NKAIN2: variants seen among roughly 807,000 people sequenced by gnomAD.
NKAIN2 encodes the protein sodium/potassium transporting ATPase interacting 2.
NKAIN2 carries 14 observed loss-of-function variants against 32.6 expected under a neutral mutation model. The ratio of observed to expected loss-of-function variants is 0.43; its 90% CI spans 0.28 to 0.67. The LOEUF is 0.67. NKAIN2 is among the 30% of genes least tolerant of loss of function. NKAIN2 has a pLI of 0.17. For missense variants in NKAIN2, 198 were observed against 258.3 expected (o/e 0.77, Z 1.60); for synonymous variants, 80 against 87.2 (o/e 0.92, Z 0.46).
At chr6:124,802,260 A>G (rs548125294) in intron 5 of NKAIN2, among the ~76,000 whole-genome samples, 15 of 152,322 alleles carry the variant, frequency 9.8e-5, no homozygotes, top group African/African-American at 3.4e-4. Context: ...CCTGCATTTA[A>G]ATGGGCTGTT....
chr6:124,360,660 C>T (rs1799248298), intron 3 of NKAIN2, among the ~76,000 whole-genome samples: 1 of 151,680 alleles, frequency 6.6e-6, no homozygotes, highest in African/African-American at 2.4e-5. Context: ...GTTAAATTAA[C>T]AAAATGATGG....
intron 3 of NKAIN2, among the ~76,000 whole-genome samples, chr6:124,535,073 T>C (rs2114830780): frequency 6.6e-6 from 1 of 152,356 alleles, no homozygotes; most frequent in East Asian, 1.9e-4. Context: ...TATGGAATAA[T>C]GGCAAGAAAA....
At chr6:124,125,608 G>T (rs1786124162) in intron 1 of NKAIN2, among the ~76,000 whole-genome samples, 1 of 152,110 alleles carries the variant, frequency 6.6e-6, no homozygotes, top group Admixed American at 6.5e-5. Flanking sequence ...TTAATTAAAT[G>T]TTGTAATAAA....
chr6:124,563,103 A>G (rs1479121897), intron 3 of NKAIN2, among the ~76,000 whole-genome samples: 1 of 151,846 alleles, frequency 6.6e-6, no homozygotes, highest in Non-Finnish European at 1.5e-5. Flanking sequence ...ACGGGGTTTC[A>G]CTGTGTTGGC....
intron 1 of NKAIN2, among the ~76,000 whole-genome samples, chr6:124,045,061 C>T (rs1035863619): frequency 6.6e-6 from 1 of 151,882 alleles, no homozygotes; most frequent in African/African-American, 2.4e-5. Context: ...TTTGTGAGCT[C>T]ATTTGAAACC....
At chr6:124,113,245 GCT>G (rs1418867100) in intron 1 of NKAIN2, among the ~76,000 whole-genome samples, 1 of 152,070 alleles carries the variant, frequency 6.6e-6, no homozygotes, top group East Asian at 1.9e-4. Context: ...GCTTTTGTCA[GCT>G]TACTCTGTGA....
chr6:124,804,421 T>C (rs1015246750), intron 5 of NKAIN2: 2 of 730,998 alleles, frequency 2.7e-6, no homozygotes, highest in East Asian at 1.3e-4. Flanking sequence ...TTATTTATTA[T>C]GATACTATTA....
At chr6:124,407,057 A>C (rs1443839793) in intron 3 of NKAIN2, among the ~76,000 whole-genome samples, 1 of 152,110 alleles carries the variant, frequency 6.6e-6, no homozygotes, top group Admixed American at 6.6e-5. Context: ...TTGCTGATGA[A>C]GTCAAATGTT....
At chr6:124,182,861 G>A (rs1789516084) in intron 1 of NKAIN2, among the ~76,000 whole-genome samples, 1 of 152,098 alleles carries the variant, frequency 6.6e-6, no homozygotes, top group Admixed American at 6.6e-5. Context: ...CAAACATACA[G>A]ATGAGAAGTC....
intron 1 of NKAIN2, among the ~76,000 whole-genome samples, chr6:124,257,348 C>T (rs1036712814): frequency 1.3e-5 from 2 of 152,122 alleles, no homozygotes; most frequent in Non-Finnish European, 2.9e-5. Flanking sequence ...TTAAGATTTG[C>T]TTCAGGGATC....
intron 4 of NKAIN2, among the ~76,000 whole-genome samples, chr6:124,668,342 A>G (rs1772915002): frequency 6.6e-6 from 1 of 152,140 alleles, no homozygotes; most frequent in South Asian, 2.1e-4. Flanking sequence ...ATATCCTGAA[A>G]TTTATGAGTT....
chr6:124,761,133 A>G (rs1778244919), intron 4 of NKAIN2, among the ~76,000 whole-genome samples: 1 of 152,188 alleles, frequency 6.6e-6, no homozygotes, highest in African/African-American at 2.4e-5. Flanking sequence ...CCTTTACTAC[A>G]ATGTGAATAA....
chr6:124,310,907 G>A (rs1796686081), intron 2 of NKAIN2, among the ~76,000 whole-genome samples: 1 of 152,110 alleles, frequency 6.6e-6, no homozygotes, highest in Non-Finnish European at 1.5e-5. Context: ...TTTGGTCCCG[G>A]TGTTGGTTTC....
In NKAIN2 at chr6:124,743,580, C is replaced by A. The variant is rs78921439; in HGVS notation, c.475-47759C>A. Among the ~76,000 whole-genome samples the A allele has an allele frequency of 5.3e-5, 8 of 151,922 alleles. No homozygotes were observed. In the South Asian group the frequency reaches 1.0e-3, roughly 20 times the overall value. On this transcript the variant is annotated intron_variant, in intron 4 of 6. Coordinates refer to ENST00000368417, the MANE Select transcript of NKAIN2 (RefSeq NM_001040214.3). ...TCTGGAAATGTGGAAACCTTAACAG[C>A]AAACAGTGAACTGTAATGATAACAT...
chr6:124,742,760 T>G (rs998705010), intron 4 of NKAIN2, among the ~76,000 whole-genome samples: 1 of 151,680 alleles, frequency 6.6e-6, no homozygotes, highest in African/African-American at 2.4e-5. Flanking sequence ...CTCTTTTCAC[T>G]CCCTGCCATC....
Position 124,431,997 on chromosome 6 carries a change from C to T in NKAIN2, c.273+76650C>T, listed in dbSNP as rs949856904. On this transcript the variant is annotated intron_variant, in intron 3 of 6. Transcript: ENST00000368417. ...CTTTGGGAAACAAGGGAAATAAAAGCCATTGTTTGGCTTTTAGAAATACAC... is the reference window on the plus strand; with the variant it reads ...CTTTGGGAAACAAGGGAAATAAAAGTCATTGTTTGGCTTTTAGAAATACAC... Among the ~76,000 whole-genome samples, 4 of 152,210 alleles carry T rather than the reference C, an allele frequency of 2.6e-5. No homozygotes were observed. The East Asian group carries it at 5.8e-4, about 22-fold the overall frequency.
At chr6:123,853,229 T>C (rs562510537) in intron 1 of NKAIN2, among the ~76,000 whole-genome samples, 1 of 152,300 alleles carries the variant, frequency 6.6e-6, no homozygotes. Context: ...ATTTAGTAAT[T>C]ACCCCTAAGA....
At position 124,130,571 on chromosome 6, in the gene NKAIN2, A is replaced by G. The variant is rs1225649856; in HGVS notation, c.55-152434A>G. Among the ~76,000 whole-genome samples, 3 of 150,690 alleles carry G rather than the reference A, an allele frequency of 2.0e-5. No homozygotes were observed. The South Asian group carries it at 6.3e-4, about 31-fold the overall frequency. ...ATAGGAATTATTTTAATGCATTACT[A>G]TATCATATAGGTATGGTAAGTGAAT... On this transcript the variant is annotated intron_variant, in intron 1 of 6. Transcript: ENST00000368417.
rs573410882 is a variant in NKAIN2, at chr6:124,804,432, T to C, written c.535+13033T>C. On this transcript the variant is annotated intron_variant, in intron 5 of 6. Transcript: ENST00000368417. ...TACTTTATTTATTATGATACTATTA[T>C]AGCTATTGCTTTTCACTTTCATTGT... 1,294 of 820,710 alleles carry C rather than the reference T, an allele frequency of 1.6e-3. 1 individual carries two copies. The highest frequency in any genetic ancestry group is 1.8e-3 in the Non-Finnish European group (1,241 of 679,338). 50.8% of individuals were successfully genotyped at this position (820,710 alleles called of 1,614,324 possible).
Sources: allele counts gnomAD v4.1 joint callset (sites outside exome capture counted in the v4.1 genomes callset), GRCh38; gene constraint gnomAD v4.1.1; transcripts MANE v1.5; gene names NCBI Gene and HGNC (gene_info 2026-07-23, HGNC 2026-07-21).